SLC15A3: variants seen among roughly 807,000 people sequenced by gnomAD.
SLC15A3 encodes solute carrier family 15 member 3, also known as osteoclast transporter.
SLC15A3 carries 39 observed loss-of-function variants against 49.2 expected under a neutral mutation model. The observed-to-expected ratio is 0.79, with a 90% CI of 0.61 to 1.04. The LOEUF is 1.04. SLC15A3 is among the 50% of genes least tolerant of loss of function. The probability of loss-of-function intolerance (pLI) is 0.00; values close to 1 mark genes in which losing one functional copy is unlikely to be tolerated. For missense variants in SLC15A3, 758 were observed against 794.8 expected (o/e 0.95, Z 0.56); for synonymous variants, 339 against 367.0 (o/e 0.92, Z 0.87).
intron 1 of SLC15A3, among the ~76,000 whole-genome samples, chr11:60,949,586 C>G (rs1856878646): frequency 7.2e-6 from 1 of 139,248 alleles, no homozygotes; most frequent in Admixed American, 7.2e-5. Flanking sequence ...ATGGCCAGGG[C>G]TGGCCTGGGG....
chr11:60,949,488 G>T (rs571221474), intron 1 of SLC15A3, among the ~76,000 whole-genome samples: 25 of 141,240 alleles, frequency 1.8e-4, no homozygotes, highest in African/African-American at 6.4e-4. Flanking sequence ...AAGAAAGGAA[G>T]AAAGAAAGAA....
chr11:60,945,681 GC>G (rs1856791093), intron 2 of SLC15A3, among the ~76,000 whole-genome samples: 1 of 152,184 alleles, frequency 6.6e-6, no homozygotes, highest in South Asian at 2.1e-4. Context: ...AAGGCGAGGG[GC>G]AAAAGGAAGC....
chr11:60,939,357 A>T, intron 6 of SLC15A3, 123 bp downstream of exon 6: 1 of 1,223,510 alleles, frequency 8.2e-7, no homozygotes, highest in Non-Finnish European at 1.1e-6. Context: ...CCCTGGTCAG[A>T]AAACACTGCC....
chr11:60,944,118 C>T (rs553768717), intron 2 of SLC15A3, among the ~76,000 whole-genome samples: 2 of 152,338 alleles, frequency 1.3e-5, no homozygotes, highest in African/African-American at 4.8e-5. Flanking sequence ...AAGACTGTGC[C>T]ACTGCACTTC....
intron 1 of SLC15A3, among the ~76,000 whole-genome samples, chr11:60,949,824 C>A (rs761033595): frequency 1.3e-5 from 2 of 152,236 alleles, no homozygotes; most frequent in Non-Finnish European, 2.9e-5. Flanking sequence ...CTGTGACAAT[C>A]TTTTTCCAGT....
intron 4 of SLC15A3, chr11:60,941,770 G>A (rs1856711808): frequency 2.2e-6 from 1 of 454,004 alleles, no homozygotes; most frequent in Non-Finnish European, 4.0e-6. Context: ...CTTGATCTGA[G>A]GGTGCAAATT....
At chr11:60,939,407 G>A in intron 6 of SLC15A3, 73 bp downstream of exon 6, 1 of 1,566,694 alleles carries the variant, frequency 6.4e-7, no homozygotes, top group Admixed American at 1.7e-5. Context: ...GCATCCCTGG[G>A]GTACCTGACT....
intron 1 of SLC15A3, among the ~76,000 whole-genome samples, chr11:60,948,729 G>A (rs1289273452): frequency 2.0e-5 from 3 of 152,210 alleles, no homozygotes; most frequent in Non-Finnish European, 4.4e-5. Flanking sequence ...ATGAGGCCTT[G>A]TGGCCTGCCT....
At chr11:60,947,195 T>C (rs925776622) in intron 1 of SLC15A3, among the ~76,000 whole-genome samples, 6 of 152,170 alleles carry the variant, frequency 3.9e-5, no homozygotes, top group African/African-American at 1.4e-4. Flanking sequence ...TATTTTTTTT[T>C]TTTTGAGACA....
Position 60,943,704 on chromosome 11 carries a change from C to G in SLC15A3, c.981G>C (p.Trp327Cys). 6.3e-7 allele frequency: 1 copy of G among 1,590,308 alleles called. No individual in the cohort carries two copies. Among genetic ancestry groups the G allele is most frequent in the South Asian group, 1.1e-5 (1 of 87,740 alleles). Residue 327 changes from tryptophan to cysteine, a missense_variant, in exon 3 of 8, where the codon TGG becomes TGC. Coordinates refer to ENST00000227880, the MANE Select transcript of SLC15A3 (RefSeq NM_016582.3). ...LPVMVTLVPYWMVYFQMQSTY... is the reference protein window; with the variant it reads ...LPVMVTLVPYCMVYFQMQSTY... Reference sequence around the variant, plus strand: ...GTATGCTCACCTGGAAGTAGACCATCCAGTAGGGCACCAGGGTCACCATGA... The same window carrying G: ...GTATGCTCACCTGGAAGTAGACCATGCAGTAGGGCACCAGGGTCACCATGA...
At chr11:60,941,064 G>T in intron 5 of SLC15A3, 58 bp downstream of exon 5, 1 of 1,548,504 alleles carries the variant, frequency 6.5e-7, no homozygotes, top group South Asian at 1.3e-5. Flanking sequence ...AGCCCATGGT[G>T]GAAGCAGACT....
At chr11:60,944,532 T>G (rs956920378) in intron 2 of SLC15A3, among the ~76,000 whole-genome samples, 6 of 152,186 alleles carry the variant, frequency 3.9e-5, no homozygotes, top group Non-Finnish European at 7.3e-5. Flanking sequence ...GCTCTAGAGC[T>G]GTGGCCCCTC....
At position 60,951,680 on chromosome 11, in the gene SLC15A3, T is replaced by C; in HGVS notation, c.-129A>G. 2 of 683,508 alleles carry C rather than the reference T, an allele frequency of 2.9e-6. No individual in the cohort carries two copies. The highest frequency in any genetic ancestry group is 1.8e-6 in the Non-Finnish European group (1 of 553,230). The allele number at this position is 683,508 out of a possible 1,614,324, so 42.3% of individuals were successfully genotyped here. On this transcript the variant is annotated 5_prime_UTR_variant, in exon 1 of 8. Coordinates refer to ENST00000227880, the MANE Select transcript of SLC15A3 (RefSeq NM_016582.3). Reference sequence around the variant, plus strand: ...CTGGCTGGCCCTCCTTTCTCACCGCTTTGGCCCACCCTTCCCTCCTGTCCC... The same window carrying C: ...CTGGCTGGCCCTCCTTTCTCACCGCCTTGGCCCACCCTTCCCTCCTGTCCC...
At chr11:60,949,155 C>T (rs763907348) in intron 1 of SLC15A3, among the ~76,000 whole-genome samples, 4 of 151,752 alleles carry the variant, frequency 2.6e-5, no homozygotes, top group African/African-American at 7.3e-5. Flanking sequence ...GCCAACATGG[C>T]GAAACCACAT....
Position 60,941,792 on chromosome 11 carries a change from C to A in SLC15A3, c.1107+243G>T, listed in dbSNP as rs147077488. The A allele has an allele frequency of 1.1e-4, 52 of 490,146 alleles. No homozygotes were observed. The East Asian group carries it at 1.6e-3, about 15-fold the overall frequency. The allele number at this position is 490,146 out of a possible 1,614,324, so 30.4% of individuals were successfully genotyped here. A position where few individuals can be genotyped will look rare whatever the true frequency, so the allele number is the denominator to read the frequency against. On this transcript the variant is annotated intron_variant, in intron 4 of 7. Coordinates refer to ENST00000227880, the MANE Select transcript of SLC15A3 (RefSeq NM_016582.3). Reference sequence around the variant, plus strand: ...TGAGGGTGCAAATTAGGCAGCGAGACCTGCTTCAGAGCAGCAGCATGGGGG... The same window carrying A: ...TGAGGGTGCAAATTAGGCAGCGAGAACTGCTTCAGAGCAGCAGCATGGGGG...
At position 60,937,910 on chromosome 11, in the gene SLC15A3, C is replaced by T. The variant is rs769865109; in HGVS notation, c.1551G>A (p.Leu517=). The part of the protein sequence containing the change: ...SLLGSSLVAL[L]SLPGGWLHCP... Reference sequence around the variant, plus strand: ...AGTGCAGCCAGCCCCCGGGCAAGGACAGCAGTGCCACTAGGCTGGAGCCCA... The same window carrying T: ...AGTGCAGCCAGCCCCCGGGCAAGGATAGCAGTGCCACTAGGCTGGAGCCCA... The change falls in exon 7 of 8, where the codon CTG becomes CTA. Residue 517 remains leucine, a synonymous_variant. Transcript: ENST00000227880. 11 of 1,614,186 alleles carry T rather than the reference C, an allele frequency of 6.8e-6. No homozygotes were observed. The highest frequency in any genetic ancestry group is 9.3e-6 in the Non-Finnish European group (11 of 1,180,006).
rs33944083 is a variant in SLC15A3, at chr11:60,949,564, G to GAAA, written c.558+1427_558+1429dup. Among the ~76,000 whole-genome samples the GAAA allele has an allele frequency of 5.1e-5, 6 of 118,016 alleles. 1 individual carries two copies. Among genetic ancestry groups the GAAA allele is most frequent in the Middle Eastern group, 8.5e-3 (2 of 236 alleles). The allele number at this position is 118,016 out of a possible 152,430, so 77.4% of individuals were successfully genotyped here. On this transcript the variant is annotated intron_variant, in intron 1 of 7. Coordinates refer to ENST00000227880, the MANE Select transcript of SLC15A3 (RefSeq NM_016582.3). ...AGAAAGAAAGAAAGAAAGAAAGAAAGAAAGAAAAGAGATGGCCAGGGCTGG... is the reference window on the plus strand; with the variant it reads ...AGAAAGAAAGAAAGAAAGAAAGAAAGAAAAAAGAAAAGAGATGGCCAGGGCTGG...
In SLC15A3 at chr11:60,950,993, C is replaced by A. The variant is rs774163802; in HGVS notation, c.558+1G>T. 1.4e-6 allele frequency: 2 copies of A among 1,462,256 alleles called. No homozygotes were observed. The highest frequency in any genetic ancestry group is 5.8e-5 in the East Asian group (2 of 34,548). 90.6% of individuals were successfully genotyped at this position (1,462,256 alleles called of 1,614,324 possible). On this transcript the variant is annotated splice_donor_variant, in intron 1 of 7. Transcript: ENST00000227880. LOFTEE classifies it high-confidence loss of function. Reference sequence around the variant, plus strand: ...GCCGGGGCAGGCCTCCTGCCACTCACCTGGTCGGCACCGAAGGAGGTGAGG... The same window carrying A: ...GCCGGGGCAGGCCTCCTGCCACTCAACTGGTCGGCACCGAAGGAGGTGAGG...
chr11:60,946,869 ACT>A, intron 1 of SLC15A3, 48 bp from the exon 2 acceptor site: 3 of 1,562,578 alleles, frequency 1.9e-6, no homozygotes, highest in Non-Finnish European at 1.7e-6. Context: ...GGTCCGGGGC[ACT>A]CTCTGTACCC....
Sources: gnomAD v4.1 joint callset for allele counts (sites outside exome capture counted in the v4.1 genomes callset) on GRCh38, gnomAD v4.1.1 for gene constraint, MANE v1.5 for transcripts, NCBI Gene and HGNC (gene_info 2026-07-23, HGNC 2026-07-21) for gene names.